BCAS3: variants seen among roughly 807,000 people sequenced by gnomAD.
The protein encoded by BCAS3 is BCAS4/BCAS3 fusion.
A neutral mutation model predicts 116.1 loss-of-function variants in BCAS3; 53 were observed. The ratio of observed to expected loss-of-function variants is 0.46; its 90% CI spans 0.37 to 0.57. The LOEUF is 0.57. BCAS3 is among the 20% of genes least tolerant of loss of function. BCAS3 has a pLI of 0.00. For missense variants in BCAS3, 917 were observed against 1,165.4 expected, an observed-to-expected ratio of 0.79 and a Z score of 3.10; for synonymous variants, 391 against 408.2, an observed-to-expected ratio of 0.96 and a Z score of 0.51.
In BCAS3 at chr17:61,388,505, T is replaced by C. The variant is rs2059965343; in HGVS notation, c.2594-3472T>C. 5.3e-6 allele frequency: 5 copies of C among 940,352 alleles called. No homozygotes were observed. The highest frequency in any genetic ancestry group is 3.2e-6 in the Non-Finnish European group (2 of 634,264). 58.3% of individuals were successfully genotyped at this position (940,352 alleles called of 1,614,324 possible). A position where few individuals can be genotyped will look rare whatever the true frequency, so the allele number is the denominator to read the frequency against. ...GACTGCAAACTCCCCCTCCTCACGGTGTGCCCCTGCGCCTCCTGACACCTC... is the reference window on the plus strand; with the variant it reads ...GACTGCAAACTCCCCCTCCTCACGGCGTGCCCCTGCGCCTCCTGACACCTC... On this transcript the variant is annotated intron_variant, in intron 23 of 23. Coordinates refer to ENST00000407086, the MANE Select transcript of BCAS3 (RefSeq NM_017679.5). The surrounding 1 kb of genome is among the most constrained non-coding windows in gnomAD (Gnocchi z 6.5).
At chr17:60,858,703 A>ACT (rs2053893408) in intron 7 of BCAS3, among the ~76,000 whole-genome samples, 1 of 152,168 alleles carries the variant, frequency 6.6e-6, no homozygotes, top group Non-Finnish European at 1.5e-5. Context: ...TTGCGTCTCC[A>ACT]GCAGTAATGT....
At chr17:60,790,587 G>A (rs1276703281) in intron 6 of BCAS3, among the ~76,000 whole-genome samples, 2 of 152,056 alleles carry the variant, frequency 1.3e-5, no homozygotes, top group African/African-American at 2.4e-5. Context: ...GGCACACCAT[G>A]TACAGTAAAT....
intron 4 of BCAS3, among the ~76,000 whole-genome samples, chr17:60,695,432 T>C (rs981536161): frequency 2.6e-5 from 4 of 152,178 alleles, no homozygotes; most frequent in Admixed American, 2.0e-4. Context: ...TTTTATTTTA[T>C]TCATTCATTT....
intron 3 of BCAS3, 45 bp downstream of exon 3, chr17:60,684,081 G>A: frequency 1.3e-6 from 2 of 1,572,286 alleles, no homozygotes; most frequent in South Asian, 1.1e-5. Context: ...GGTCAGGAGA[G>A]CTCTGAAATG....
At chr17:61,345,193 C>T (rs2057433796) in intron 22 of BCAS3, among the ~76,000 whole-genome samples, 1 of 152,208 alleles carries the variant, frequency 6.6e-6, no homozygotes, top group African/African-American at 2.4e-5. Context: ...AAGAGCTGTT[C>T]TCTTGTTCCC....
Position 61,256,384 on chromosome 17 carries a change from A to G in BCAS3, c.2426-111943A>G, listed in dbSNP as rs1338646077. On this transcript the variant is annotated intron_variant, in intron 22 of 23. Coordinates refer to ENST00000407086, the MANE Select transcript of BCAS3 (RefSeq NM_017679.5). The surrounding 1 kb of genome is among the most constrained non-coding windows in gnomAD (Gnocchi z 5.6). ...AGCGGTGTGATCAAGGCTCACTGCA[A>G]CCTCCGCCTCTGGGGTTCAAGTGAT... Among the ~76,000 whole-genome samples, 1 of 151,994 alleles carries G rather than the reference A, an allele frequency of 6.6e-6. No homozygotes were observed. Among genetic ancestry groups the G allele is most frequent in the African/African-American group, 2.4e-5 (1 of 41,360 alleles).
chr17:60,875,627 A>G (rs1361046079), intron 9 of BCAS3, among the ~76,000 whole-genome samples: 1 of 152,084 alleles, frequency 6.6e-6, no homozygotes, highest in Non-Finnish European at 1.5e-5. Context: ...TCTTGCAGAA[A>G]AAATGTGTTT....
chr17:61,146,705 A>C (rs2077235720), intron 22 of BCAS3, among the ~76,000 whole-genome samples: 1 of 152,154 alleles, frequency 6.6e-6, no homozygotes, highest in South Asian at 2.1e-4. Context: ...TCTCATAATC[A>C]GAGTAAAAAG....
intron 2 of BCAS3, among the ~76,000 whole-genome samples, chr17:60,682,773 C>T (rs192093815): frequency 9.4e-4 from 143 of 152,244 alleles, no homozygotes; most frequent in African/African-American, 3.1e-3. Context: ...CCACTCGCCT[C>T]GGCCTCCCAA....
rs1213195934 is a variant in BCAS3 at position 61,106,453 on chromosome 17, A to G, written c.2425+21889A>G. ...GGAGTAATAAAAGAGGTTATAGCAT[A>G]TAGCTTAGGTGTGTTGTAGGCTATT... On this transcript the variant is annotated intron_variant, in intron 22 of 23. Coordinates refer to ENST00000407086, the MANE Select transcript of BCAS3 (RefSeq NM_017679.5). This position sits in a 1 kb window ranked among gnomAD's most constrained non-coding sequence, Gnocchi z 4.2. Among the ~76,000 whole-genome samples the G allele has an allele frequency of 6.6e-6, 1 of 152,220 alleles. No individual in the cohort carries two copies. The highest frequency in any genetic ancestry group is 1.5e-5 in the Non-Finnish European group (1 of 68,044).
chr17:60,918,167 A>G (rs761925990), intron 12 of BCAS3, among the ~76,000 whole-genome samples: 31 of 152,166 alleles, frequency 2.0e-4, no homozygotes, highest in Non-Finnish European at 7.3e-5. Context: ...TTTAAAAATA[A>G]TGGCCATCCT....
At chr17:60,850,415 A>T (rs550966931) in intron 7 of BCAS3, among the ~76,000 whole-genome samples, 1 of 129,372 alleles carries the variant, frequency 7.7e-6, no homozygotes, top group Non-Finnish European at 1.5e-5. Context: ...TTGGAGTGCA[A>T]TGGCGTGATC....
chr17:60,699,216 C>T (rs558875055), intron 4 of BCAS3, among the ~76,000 whole-genome samples: 17 of 151,672 alleles, frequency 1.1e-4, no homozygotes, highest in Non-Finnish European at 1.9e-4. Flanking sequence ...TATTTATTTA[C>T]TTATTTATTT....
At chr17:60,779,140 G>C (rs2045562992) in intron 6 of BCAS3, among the ~76,000 whole-genome samples, 1 of 152,006 alleles carries the variant, frequency 6.6e-6, no homozygotes, top group African/African-American at 2.4e-5. Flanking sequence ...AAAATTTGGA[G>C]CCTGTTTGAG....
At chr17:60,790,051 A>G (rs1294041311) in intron 6 of BCAS3, among the ~76,000 whole-genome samples, 1 of 152,100 alleles carries the variant, frequency 6.6e-6, no homozygotes, top group Non-Finnish European at 1.5e-5. Context: ...TGGACTTTCT[A>G]GTAAATGTGT....
chr17:61,054,501 G>A (rs2069179731), intron 19 of BCAS3, among the ~76,000 whole-genome samples: 1 of 152,108 alleles, frequency 6.6e-6, no homozygotes, highest in African/African-American at 2.4e-5. Flanking sequence ...TAAGTAGCTG[G>A]GACTACAGGT....
chr17:60,759,029 A>G (rs1222006266), intron 6 of BCAS3, among the ~76,000 whole-genome samples: 4 of 149,390 alleles, frequency 2.7e-5, no homozygotes, highest in Non-Finnish European at 4.4e-5. Flanking sequence ...CCTGGAGTGC[A>G]GTGGCACGAT....
At chr17:61,287,813 A>G (rs989658481) in intron 22 of BCAS3, among the ~76,000 whole-genome samples, 1 of 152,242 alleles carries the variant, frequency 6.6e-6, no homozygotes, top group Non-Finnish European at 1.5e-5. Flanking sequence ...CAGTAATAAC[A>G]ACAATAGGAT....
chr17:60,856,696 AT>A (rs1416061166), intron 7 of BCAS3, among the ~76,000 whole-genome samples: 177 of 152,236 alleles, frequency 1.2e-3, no homozygotes, highest in African/African-American at 4.1e-3. Context: ...CTCCAAAAAA[AT>A]AAAAAAAAAA....
Sources: allele counts gnomAD v4.1 joint callset (sites outside exome capture counted in the v4.1 genomes callset), GRCh38; gene constraint gnomAD v4.1.1; non-coding constraint Gnocchi (gnomAD v3.1); transcripts MANE v1.5; gene names NCBI Gene and HGNC (gene_info 2026-07-23, HGNC 2026-07-21).